Variants in EPHA6 observed in about 807,000 individuals in gnomAD.
The protein encoded by EPHA6 is ephrin type-A receptor 6.
Under a neutral mutation model 112.0 loss-of-function variants are expected in EPHA6, and 50 were observed. The ratio of observed to expected loss-of-function variants is 0.45; its 90% CI spans 0.36 to 0.56. The LOEUF (loss-of-function observed/expected upper bound fraction) is 0.56, where lower values mean the gene tolerates loss of function less well. EPHA6 is among the 20% of genes least tolerant of loss of function. The pLI, the probability that EPHA6 is intolerant of heterozygous loss-of-function variation, is 0.00. For synonymous variants in EPHA6, 529 were observed against 490.7 expected (o/e 1.08, Z -1.03); for missense variants, 1,280 against 1,417.4 (o/e 0.90, Z 1.56).
chr3:97,480,302 G>A (rs1443669027), intron 9 of EPHA6, among the ~76,000 whole-genome samples: 3 of 151,732 alleles, frequency 2.0e-5, no homozygotes, highest in African/African-American at 4.8e-5. Flanking sequence ...AGGGTCATAG[G>A]ACAATAGTGG....
At chr3:97,521,775 A>G (rs2092546875) in intron 10 of EPHA6, among the ~76,000 whole-genome samples, 1 of 152,128 alleles carries the variant, frequency 6.6e-6, no homozygotes, top group South Asian at 2.1e-4. Context: ...CCCATGGGGC[A>G]TGACAGTGCA....
chr3:96,822,503 T>G (rs2033339626), intron 1 of EPHA6, among the ~76,000 whole-genome samples: 1 of 151,832 alleles, frequency 6.6e-6, no homozygotes, highest in South Asian at 2.1e-4. Flanking sequence ...CTCATTATGC[T>G]TCCTGCTATT....
At chr3:97,630,124 G>A (rs1188205744) in intron 13 of EPHA6, among the ~76,000 whole-genome samples, 1 of 151,208 alleles carries the variant, frequency 6.6e-6, no homozygotes, top group Non-Finnish European at 1.5e-5. Flanking sequence ...GTTCTTCCTA[G>A]GTTTTTAGGT....
intron 2 of EPHA6, among the ~76,000 whole-genome samples, chr3:96,968,390 A>G (rs968994750): frequency 5.9e-5 from 7 of 118,292 alleles, no homozygotes; most frequent in African/African-American, 3.9e-4. Flanking sequence ...TGGTAAAAGC[A>G]CACACACACA....
chr3:97,498,239 G>A lies in EPHA6; in HGVS notation c.2200+14180G>A, dbSNP rs148445493. 6.5e-3 allele frequency among the ~76,000 whole-genome samples: 985 copies of A among 151,074 alleles called. 12 individuals are homozygous for A. Among genetic ancestry groups the A allele is most frequent in the African/African-American group, 0.022 (904 of 41,104 alleles). ...TAGATTATAACTGATTGGTTGTAAC[G>A]TAGAGCTCTGCCTAGTGAGAAGCAA... On this transcript the variant is annotated intron_variant, in intron 10 of 17. Transcript: ENST00000389672.
At chr3:97,516,172 AG>A (rs947329018) in intron 10 of EPHA6, among the ~76,000 whole-genome samples, 1 of 152,218 alleles carries the variant, frequency 6.6e-6, no homozygotes, top group Non-Finnish European at 1.5e-5. Flanking sequence ...GATAGGTGGT[AG>A]GTATTTAACC....
At chr3:97,648,453 G>A in intron 14 of EPHA6, 1 of 1,317,320 alleles carries the variant, frequency 7.6e-7, no homozygotes, top group Non-Finnish European at 9.7e-7. Flanking sequence ...TTTTAAAGTT[G>A]GGAGAGATTC....
chr3:97,354,657 G>T (rs2083977684), intron 5 of EPHA6, among the ~76,000 whole-genome samples: 1 of 152,094 alleles, frequency 6.6e-6, no homozygotes, highest in Non-Finnish European at 1.5e-5. Context: ...CCTTAAAGAG[G>T]CAGTAGAGAG....
chr3:97,545,115 T>A (rs994414020), intron 11 of EPHA6, among the ~76,000 whole-genome samples: 5 of 152,172 alleles, frequency 3.3e-5, no homozygotes, highest in Non-Finnish European at 5.9e-5. Flanking sequence ...AGCTTTTGAA[T>A]TTGTTTGCTC....
At chr3:97,506,785 A>T (rs1460323462) in intron 10 of EPHA6, among the ~76,000 whole-genome samples, 6 of 152,176 alleles carry the variant, frequency 3.9e-5, no homozygotes, top group Non-Finnish European at 7.4e-5. Context: ...CACGATATTG[A>T]TTCTTCCTAT....
intron 5 of EPHA6, among the ~76,000 whole-genome samples, chr3:97,374,733 A>G (rs779603209): frequency 1.3e-5 from 2 of 152,070 alleles, no homozygotes; most frequent in African/African-American, 2.4e-5. Context: ...TATCCAGTTT[A>G]GCTTCTACTT....
intron 3 of EPHA6, among the ~76,000 whole-genome samples, chr3:97,203,906 C>T (rs1258508752): frequency 2.0e-5 from 3 of 151,982 alleles, no homozygotes; most frequent in Non-Finnish European, 2.9e-5. Flanking sequence ...GTGGGTGCAG[C>T]GCACCAGCGT....
Position 97,087,646 on chromosome 3 carries a change from T to G in EPHA6, c.1114+99653T>G, listed in dbSNP as rs563121599. 3.9e-5 allele frequency among the ~76,000 whole-genome samples: 6 copies of G among 152,294 alleles called. No individual in the cohort carries two copies. In the East Asian group the frequency reaches 1.2e-3, roughly 29 times the overall value. ...CAAATTTCTACACATTGAAAGGGCC[T>G]TGATAAAGTGGAATGTGTTAACACC... On this transcript the variant is annotated intron_variant, in intron 3 of 17. Coordinates refer to ENST00000389672, the MANE Select transcript of EPHA6 (RefSeq NM_001080448.3).
intron 1 of EPHA6, among the ~76,000 whole-genome samples, chr3:96,826,758 A>G (rs1256302643): frequency 2.0e-5 from 3 of 152,106 alleles, no homozygotes; most frequent in Non-Finnish European, 4.4e-5. Context: ...TTACAGTTTC[A>G]AAAACAAAAT....
chr3:96,983,925 T>C (rs1303981204), intron 2 of EPHA6, among the ~76,000 whole-genome samples: 1 of 152,226 alleles, frequency 6.6e-6, no homozygotes, highest in Non-Finnish European at 1.5e-5. Flanking sequence ...AGGACTTCTC[T>C]GCACTGGTTA....
chr3:97,054,765 A>C (rs1236899651), intron 3 of EPHA6, among the ~76,000 whole-genome samples: 2 of 152,038 alleles, frequency 1.3e-5, no homozygotes, highest in African/African-American at 2.4e-5. Flanking sequence ...CTGATACTAA[A>C]TTTTATTTAG....
intron 12 of EPHA6, among the ~76,000 whole-genome samples, chr3:97,599,869 G>T (rs1428892294): frequency 6.6e-6 from 1 of 152,062 alleles, no homozygotes; most frequent in Non-Finnish European, 1.5e-5. Flanking sequence ...GTATGGCCAT[G>T]TTCATGATAT....
intron 11 of EPHA6, among the ~76,000 whole-genome samples, chr3:97,543,509 A>T (rs1343946138): frequency 6.6e-6 from 1 of 152,302 alleles, no homozygotes; most frequent in Admixed American, 6.5e-5. Context: ...CTTGTAGTAT[A>T]GTTTGAAGTC....
At chr3:97,455,054 T>C (rs1451724067) in intron 7 of EPHA6, among the ~76,000 whole-genome samples, 1 of 151,956 alleles carries the variant, frequency 6.6e-6, no homozygotes, top group Admixed American at 6.6e-5. Context: ...AAAGAGGAAT[T>C]TTCTAGCAGT....
Sources: allele counts gnomAD v4.1 joint callset (sites outside exome capture counted in the v4.1 genomes callset), GRCh38; gene constraint gnomAD v4.1.1; transcripts MANE v1.5; gene names NCBI Gene and HGNC (gene_info 2026-07-23, HGNC 2026-07-21).